The following CNTN5 variants were observed in gnomAD, a reference collection of about 807,000 sequenced individuals.
CNTN5 encodes contactin 5.
In CNTN5, 77 loss-of-function variants were observed where a neutral mutation model predicts 129.1. The observed-to-expected ratio is 0.60, with a 90% CI of 0.50 to 0.72. The LOEUF (loss-of-function observed/expected upper bound fraction) is 0.72, where lower values mean the gene tolerates loss of function less well. Ranked by LOEUF, CNTN5 falls within the 30% of genes least tolerant of loss-of-function variation. The probability of loss-of-function intolerance (pLI) is 0.00; values close to 1 mark genes in which losing one functional copy is unlikely to be tolerated. For missense variants in CNTN5, 1,478 were observed against 1,328.8 expected (o/e 1.11, Z -1.75); for synonymous variants, 509 against 465.6 (o/e 1.09, Z -1.20).
intron 16 of CNTN5, among the ~76,000 whole-genome samples, chr11:100,255,518 C>T (rs1950047647): frequency 1.3e-5 from 2 of 152,060 alleles, no homozygotes; most frequent in South Asian, 2.1e-4. Context: ...AAATATAATG[C>T]TAATTGGTAA....
intron 21 of CNTN5, among the ~76,000 whole-genome samples, chr11:100,311,482 A>G (rs140013954): frequency 6.6e-6 from 1 of 152,034 alleles, no homozygotes; most frequent in East Asian, 1.9e-4. Flanking sequence ...AACTATAACT[A>G]TGGGAAATCA....
rs1229371964 is a variant in CNTN5 at position 99,844,838 on chromosome 11, T to C, written c.278-14T>C. 2.6e-5 allele frequency: 41 copies of C among 1,604,008 alleles called. No homozygotes were observed. The highest frequency in any genetic ancestry group is 3.5e-5 in the Non-Finnish European group (41 of 1,175,654). ...TTTAAGGAAATTTAAAATGTGTCTG[T>C]TTTGTCTTTACAGAAAGTGTGGACT... On this transcript the variant is annotated splice_polypyrimidine_tract_variant and intron_variant, in intron 4 of 24. Transcript: ENST00000524871.
chr11:99,586,474 C>T (rs899973291), intron 3 of CNTN5, among the ~76,000 whole-genome samples: 1 of 152,136 alleles, frequency 6.6e-6, no homozygotes, highest in South Asian at 2.1e-4. Context: ...AACCATGGTA[C>T]CTTTCTGCAT....
chr11:99,035,482 G>A (rs1015656540), intron 1 of CNTN5, among the ~76,000 whole-genome samples: 2 of 151,452 alleles, frequency 1.3e-5, no homozygotes, highest in African/African-American at 2.4e-5. Flanking sequence ...TATTTAGGAT[G>A]GTTAGCTCTT....
intron 21 of CNTN5, among the ~76,000 whole-genome samples, chr11:100,311,453 A>C (rs1366319982): frequency 6.6e-6 from 1 of 151,848 alleles, no homozygotes; most frequent in African/African-American, 2.4e-5. Flanking sequence ...TCTTAAGTTA[A>C]GAGGAAGACT....
intron 2 of CNTN5, among the ~76,000 whole-genome samples, chr11:99,358,798 C>T (rs1938896285): frequency 6.6e-6 from 1 of 152,032 alleles, no homozygotes; most frequent in Admixed American, 6.6e-5. Context: ...TACCTGTCAA[C>T]ATTGATTATT....
At chr11:99,692,853 A>T (rs532235262) in intron 3 of CNTN5, among the ~76,000 whole-genome samples, 1 of 152,276 alleles carries the variant, frequency 6.6e-6, no homozygotes, top group East Asian at 1.9e-4. Context: ...ATTCCAAAAA[A>T]TTTATTGATA....
chr11:99,271,913 C>G (rs752127385), intron 1 of CNTN5, among the ~76,000 whole-genome samples: 7 of 151,840 alleles, frequency 4.6e-5, no homozygotes, highest in Non-Finnish European at 8.8e-5. Flanking sequence ...CAAGCATTTT[C>G]ACGATGTTCA....
intron 3 of CNTN5, among the ~76,000 whole-genome samples, chr11:99,734,298 A>G (rs1943629883): frequency 1.3e-5 from 2 of 152,100 alleles, no homozygotes; most frequent in South Asian, 4.1e-4. Flanking sequence ...GACTGTAGTC[A>G]CCCTGTTGGG....
chr11:100,316,537 A>C (rs971607934), intron 21 of CNTN5, among the ~76,000 whole-genome samples: 1 of 152,214 alleles, frequency 6.6e-6, no homozygotes, highest in Non-Finnish European at 1.5e-5. Context: ...AATGCCTTAC[A>C]TGGGTGTAAG....
At chr11:99,438,917 A>G (rs1369367610) in intron 2 of CNTN5, among the ~76,000 whole-genome samples, 1 of 152,240 alleles carries the variant, frequency 6.6e-6, no homozygotes, top group Non-Finnish European at 1.5e-5. Context: ...CAAGTCTTCG[A>G]TGATGTTGTG....
chr11:100,271,318 G>A (rs574067920), intron 18 of CNTN5, 77 bp downstream of exon 18: 3 of 1,003,532 alleles, frequency 3.0e-6, no homozygotes, highest in African/African-American at 3.3e-5. Context: ...AACCATGATT[G>A]CTCCATTGCT....
chr11:100,139,405 GAGA>G (rs2138246629), intron 13 of CNTN5, among the ~76,000 whole-genome samples: 2 of 152,262 alleles, frequency 1.3e-5, no homozygotes, highest in East Asian at 3.9e-4. Context: ...GTATTTCAAG[GAGA>G]AGAAAAGAAT....
intron 1 of CNTN5, among the ~76,000 whole-genome samples, chr11:99,145,377 CT>C (rs56245559): frequency 4.0e-5 from 6 of 149,814 alleles, no homozygotes; most frequent in Non-Finnish European, 7.4e-5. Context: ...ACCAGAAACA[CT>C]TTTTTTTTTC....
At chr11:99,629,709 A>G (rs939257688) in intron 3 of CNTN5, among the ~76,000 whole-genome samples, 11 of 151,920 alleles carry the variant, frequency 7.2e-5, no homozygotes, top group Middle Eastern at 3.2e-3. Context: ...TATTCTGATG[A>G]CACAATTATA....
At chr11:99,600,180 A>C (rs1223196444) in intron 3 of CNTN5, among the ~76,000 whole-genome samples, 1 of 152,154 alleles carries the variant, frequency 6.6e-6, no homozygotes, top group Non-Finnish European at 1.5e-5. Context: ...TTTAATCACT[A>C]TGCATTTTAT....
intron 13 of CNTN5, among the ~76,000 whole-genome samples, chr11:100,158,370 A>G (rs1947327446): frequency 6.6e-6 from 1 of 151,888 alleles, no homozygotes; most frequent in Non-Finnish European, 1.5e-5. Flanking sequence ...GACATTTACT[A>G]ACACAGTATT....
At chr11:99,132,720 G>C (rs372257098) in intron 1 of CNTN5, among the ~76,000 whole-genome samples, 64 of 152,230 alleles carry the variant, frequency 4.2e-4, no homozygotes, top group African/African-American at 1.2e-3. Context: ...CCTCTTCAAA[G>C]AGAACTGCAA....
At chr11:99,087,312 A>G (rs959460293) in intron 1 of CNTN5, among the ~76,000 whole-genome samples, 1 of 152,126 alleles carries the variant, frequency 6.6e-6, no homozygotes, top group African/African-American at 2.4e-5. Flanking sequence ...ATGGTTCAAA[A>G]GTCCCTGCTT....
Sources: gnomAD v4.1 joint callset for allele counts (sites outside exome capture counted in the v4.1 genomes callset) on GRCh38, gnomAD v4.1.1 for gene constraint, MANE v1.5 for transcripts, NCBI Gene and HGNC (gene_info 2026-07-23, HGNC 2026-07-21) for gene names.